The following SLC44A5 variants were observed in gnomAD, a reference collection of about 807,000 sequenced individuals.
SLC44A5 encodes choline transporter-like protein 5.
A neutral mutation model predicts 101.8 loss-of-function variants in SLC44A5; 57 were observed. That is an observed-to-expected ratio of 0.56 (90% CI 0.45 to 0.70). The LOEUF (loss-of-function observed/expected upper bound fraction) is 0.70. SLC44A5 is among the 30% of genes least tolerant of loss of function. SLC44A5 has a pLI of 0.00. For synonymous variants in SLC44A5, 281 were observed against 290.9 expected (o/e 0.97, Z 0.35); for missense variants, 737 against 853.1 (o/e 0.86, Z 1.70).
chr1:75,364,845 A>T (rs1429174633), intron 3 of SLC44A5, among the ~76,000 whole-genome samples: 1 of 151,894 alleles, frequency 6.6e-6, no homozygotes, highest in East Asian at 1.9e-4. Context: ...CTGATTCTTT[A>T]TTATGATTTA....
chr1:75,330,965 T>TC (rs1482453521), intron 4 of SLC44A5, among the ~76,000 whole-genome samples: 4 of 133,064 alleles, frequency 3.0e-5, no homozygotes, highest in Non-Finnish European at 6.2e-5. Flanking sequence ...AAACTTTCTC[T>TC]CTTTTTTTTT....
intron 15 of SLC44A5, 107 bp from the exon 16 acceptor site, chr1:75,219,451 A>G: frequency 1.3e-6 from 1 of 763,604 alleles, no homozygotes; most frequent in East Asian, 2.6e-5. Context: ...AACTTAAAAA[A>G]TGCCTAATAT....
chr1:75,560,898 A>G (rs111971366), intron 1 of SLC44A5, among the ~76,000 whole-genome samples: 37 of 152,316 alleles, frequency 2.4e-4, no homozygotes, highest in African/African-American at 8.9e-4. Flanking sequence ...AATAAATACC[A>G]ATAAATACAT....
intron 3 of SLC44A5, among the ~76,000 whole-genome samples, chr1:75,374,916 C>T (rs1182434408): frequency 6.6e-6 from 1 of 152,172 alleles, no homozygotes; most frequent in Non-Finnish European, 1.5e-5. Context: ...ATATGAGAAG[C>T]AATCAGTGCA....
chr1:75,432,141 G>A (rs1165820160), intron 2 of SLC44A5, among the ~76,000 whole-genome samples: 1 of 152,062 alleles, frequency 6.6e-6, no homozygotes. Flanking sequence ...CTCCTCAATT[G>A]CTCTAAATCC....
the SLC44A5 span, among the ~76,000 whole-genome samples, chr1:75,653,968 C>CA: frequency 6.6e-6 from 1 of 152,000 alleles, no homozygotes; most frequent in African/African-American, 2.4e-5. Flanking sequence ...AATTGTAACC[C>CA]AAAAAACAAC....
At chr1:75,345,569 C>T (rs1658192267) in intron 3 of SLC44A5, among the ~76,000 whole-genome samples, 1 of 152,022 alleles carries the variant, frequency 6.6e-6, no homozygotes, top group Non-Finnish European at 1.5e-5. Context: ...ACAAATAATA[C>T]CAATAATTCT....
intron 1 of SLC44A5, among the ~76,000 whole-genome samples, chr1:75,605,879 A>G (rs1036969548): frequency 1.3e-5 from 2 of 152,010 alleles, no homozygotes; most frequent in Non-Finnish European, 2.9e-5. Flanking sequence ...GAAAGGAAAG[A>G]TGATAGGGCT....
At chr1:75,217,513 C>T (rs1646986544) in intron 18 of SLC44A5, among the ~76,000 whole-genome samples, 1 of 152,056 alleles carries the variant, frequency 6.6e-6, no homozygotes, top group Admixed American at 6.6e-5. Context: ...TAAGCCTAAC[C>T]TGACCTGAAC....
At chr1:75,463,135 A>G (rs1298493213) in intron 2 of SLC44A5, among the ~76,000 whole-genome samples, 1 of 152,162 alleles carries the variant, frequency 6.6e-6, no homozygotes, top group Non-Finnish European at 1.5e-5. Context: ...ATAAAAAAAG[A>G]TCCTGGCTGG....
intron 2 of SLC44A5, among the ~76,000 whole-genome samples, chr1:75,523,372 G>A (rs1670244589): frequency 6.6e-6 from 1 of 152,116 alleles, no homozygotes; most frequent in South Asian, 2.1e-4. Context: ...GAGTGCAGTT[G>A]TGTGATCTCA....
At chr1:75,723,977 T>C in the SLC44A5 span, 1 of 152,126 alleles carries the variant, frequency 6.6e-6, no homozygotes, top group South Asian at 2.1e-4. Flanking sequence ...GAAGAGAAAG[T>C]GACTCCAGGT....
chr1:75,375,278 TCC>T (rs1379304089), intron 3 of SLC44A5, among the ~76,000 whole-genome samples: 2 of 152,112 alleles, frequency 1.3e-5, no homozygotes, highest in Admixed American at 1.3e-4. Flanking sequence ...AGATCAGTCT[TCC>T]AAATCAACTC....
At chr1:75,534,236 C>G (rs1241166346) in intron 2 of SLC44A5, among the ~76,000 whole-genome samples, 1 of 151,970 alleles carries the variant, frequency 6.6e-6, no homozygotes, top group Non-Finnish European at 1.5e-5. Flanking sequence ...TGCAAATCAC[C>G]TGTTAAAGTC....
At chr1:75,559,763 T>C (rs1390489992) in intron 1 of SLC44A5, among the ~76,000 whole-genome samples, 1 of 151,992 alleles carries the variant, frequency 6.6e-6, no homozygotes, top group African/African-American at 2.4e-5. Context: ...CCATAGAATG[T>C]GAGAAAATAC....
At chr1:75,497,471 C>T (rs1668736912) in intron 2 of SLC44A5, among the ~76,000 whole-genome samples, 1 of 151,900 alleles carries the variant, frequency 6.6e-6, no homozygotes, top group African/African-American at 2.4e-5. Context: ...TGGTGATTTC[C>T]TGGAGTGTGG....
At chr1:75,686,215 A>G in the SLC44A5 span, among the ~76,000 whole-genome samples, 1 of 152,236 alleles carries the variant, frequency 6.6e-6, no homozygotes, top group African/African-American at 2.4e-5. Flanking sequence ...GGTGAACAAA[A>G]TAATGCCTTT....
At chr1:75,677,477 G>A in the SLC44A5 span, among the ~76,000 whole-genome samples, 1 of 151,812 alleles carries the variant, frequency 6.6e-6, no homozygotes, top group Non-Finnish European at 1.5e-5. Context: ...ACATAAAACA[G>A]ATACACAAAG....
At chr1:75,678,588 C>T in the SLC44A5 span, among the ~76,000 whole-genome samples, 2 of 149,194 alleles carry the variant, frequency 1.3e-5, no homozygotes, top group Non-Finnish European at 3.0e-5. Context: ...ACAGAAAGGA[C>T]ATCCACACCA....
Sources: allele counts gnomAD v4.1 joint callset (sites outside exome capture counted in the v4.1 genomes callset), GRCh38; gene constraint gnomAD v4.1.1; transcripts MANE v1.5; gene names NCBI Gene and HGNC (gene_info 2026-07-23, HGNC 2026-07-21).